SEC24D: variants seen among roughly 807,000 people sequenced by gnomAD.
The protein encoded by SEC24D is protein transport protein Sec24D.
SEC24D carries 69 observed loss-of-function variants against 116.9 expected under a neutral mutation model. The observed-to-expected ratio is 0.59, with a 90% CI of 0.49 to 0.72. The LOEUF (loss-of-function observed/expected upper bound fraction) is 0.72. SEC24D is among the 30% of genes least tolerant of loss of function. The pLI is 0.00. For missense variants in SEC24D, 1,131 were observed against 1,264.1 expected, an observed-to-expected ratio of 0.89 and a Z score of 1.60; for synonymous variants, 405 against 442.8, an observed-to-expected ratio of 0.91 and a Z score of 1.07.
intron 10 of SEC24D, 174 bp downstream of exon 10, chr4:118,764,628 T>C (rs543743597): frequency 4.0e-6 from 2 of 504,454 alleles, no homozygotes; most frequent in Non-Finnish European, 7.0e-6. Flanking sequence ...GGTTTGGCAG[T>C]TGAATCATGT....
intron 10 of SEC24D, among the ~76,000 whole-genome samples, chr4:118,763,651 G>A (rs972139002): frequency 3.3e-5 from 5 of 152,184 alleles, no homozygotes; most frequent in African/African-American, 1.2e-4. Flanking sequence ...GCCTTGCAAG[G>A]TATCCATAAT....
chr4:118,732,949 T>G (rs368746963), intron 19 of SEC24D, 37 bp from the exon 20 acceptor site: 39 of 1,534,444 alleles, frequency 2.5e-5, no homozygotes, highest in Non-Finnish European at 3.3e-5. Context: ...ACGCTTGATC[T>G]TTACTGAGAA....
chr4:118,745,074 AAAACCC>A lies in SEC24D; in HGVS notation c.1708-20_1708-15del. 4.9e-6 allele frequency: 7 copies of A among 1,426,112 alleles called. No individual in the cohort carries two copies. The highest frequency in any genetic ancestry group is 6.8e-6 in the Non-Finnish European group (7 of 1,034,570). 88.3% of individuals were successfully genotyped at this position (1,426,112 alleles called of 1,614,324 possible). On this transcript the variant is annotated splice_polypyrimidine_tract_variant and intron_variant, in intron 13 of 22. Transcript: ENST00000280551. ...ACAGTCTGCTGCCTAAAAAAAAAAA[AAAACCC>A]AAAAACCCACAGAAAATGCCGTGAG...
At chr4:118,749,072 G>C (rs778641807) in intron 13 of SEC24D, among the ~76,000 whole-genome samples, 1 of 150,254 alleles carries the variant, frequency 6.7e-6, no homozygotes, top group Non-Finnish European at 1.5e-5. Flanking sequence ...GGAAATAATA[G>C]CTAACTCAGA....
At chr4:118,798,160 A>T (rs1729263318) in intron 7 of SEC24D, among the ~76,000 whole-genome samples, 1 of 152,194 alleles carries the variant, frequency 6.6e-6, no homozygotes, top group African/African-American at 2.4e-5. Flanking sequence ...GAGACACACA[A>T]ATATGACAGA....
In SEC24D at chr4:118,820,221, C is replaced by CT. The variant is rs761088364; in HGVS notation, c.249-2810_249-2809insA. On this transcript the variant is annotated intron_variant, in intron 3 of 22. Transcript: ENST00000280551. Reference sequence around the variant, plus strand: ...TTGAGACGGAGTTTCGCTCTTGTCGCCCAGGCTGGAGTAAAATGGCAAGAT... The same window carrying CT: ...TTGAGACGGAGTTTCGCTCTTGTCGCTCCAGGCTGGAGTAAAATGGCAAGAT... Among the ~76,000 whole-genome samples, 4 of 148,552 alleles carry CT rather than the reference C, an allele frequency of 2.7e-5. No homozygotes were observed. In the East Asian group the frequency reaches 7.8e-4, roughly 29 times the overall value.
intron 2 of SEC24D, among the ~76,000 whole-genome samples, chr4:118,829,825 G>A (rs1051012483): frequency 4.0e-5 from 6 of 151,676 alleles, no homozygotes; most frequent in Admixed American, 1.3e-4. Context: ...AAAAAAAAAA[G>A]TGTTAGTATA....
intron 2 of SEC24D, among the ~76,000 whole-genome samples, chr4:118,830,207 G>A (rs539262707): frequency 6.6e-6 from 1 of 152,376 alleles, no homozygotes; most frequent in African/African-American, 2.4e-5. Context: ...TAGCCATTAA[G>A]TAAGGAGAAA....
chr4:118,795,268 A>T (rs903895942), intron 8 of SEC24D, among the ~76,000 whole-genome samples: 9 of 150,352 alleles, frequency 6.0e-5, no homozygotes, highest in African/African-American at 1.7e-4. Context: ...CAAGATTATC[A>T]CATAATCTTG....
chr4:118,744,853 T>C (rs1726425161), intron 14 of SEC24D, 91 bp downstream of exon 14: 1 of 710,644 alleles, frequency 1.4e-6, no homozygotes, highest in African/African-American at 1.8e-5. Flanking sequence ...TGAGATTTAG[T>C]TTCTCCCCTT....
intron 21 of SEC24D, chr4:118,729,315 A>G (rs2110427979): frequency 6.6e-6 from 1 of 152,288 alleles, no homozygotes; most frequent in South Asian, 2.1e-4. Context: ...TTATATGCAA[A>G]TACCATGCCA....
intron 6 of SEC24D, among the ~76,000 whole-genome samples, chr4:118,810,298 G>A (rs916248670): frequency 7.9e-5 from 12 of 152,062 alleles, no homozygotes; most frequent in Admixed American, 4.6e-4. Flanking sequence ...GAAAGGGCAG[G>A]GAGACCAATT....
At chr4:118,741,280 G>A (rs928148379) in intron 15 of SEC24D, among the ~76,000 whole-genome samples, 8 of 151,924 alleles carry the variant, frequency 5.3e-5, no homozygotes, top group East Asian at 1.9e-4. Context: ...TGAGAAAATC[G>A]GTTATTAATT....
At chr4:118,774,351 C>G (rs1029920130) in intron 8 of SEC24D, among the ~76,000 whole-genome samples, 1 of 152,034 alleles carries the variant, frequency 6.6e-6, no homozygotes, top group Non-Finnish European at 1.5e-5. Flanking sequence ...CTGATTCAGA[C>G]TTTTCATAAT....
intron 2 of SEC24D, chr4:118,825,747 C>T (rs1730569027): frequency 8.0e-6 from 3 of 375,408 alleles, no homozygotes; most frequent in Middle Eastern, 9.2e-4. Flanking sequence ...CTTGTTTTCC[C>T]TCATTTGATT....
At chr4:118,784,831 TG>T (rs1482308160) in intron 8 of SEC24D, among the ~76,000 whole-genome samples, 1 of 136,186 alleles carries the variant, frequency 7.3e-6, no homozygotes, top group East Asian at 2.3e-4. Context: ...AACACTGGAG[TG>T]GGGGGAGAAT....
intron 22 of SEC24D, among the ~76,000 whole-genome samples, chr4:118,726,177 A>G (rs777392406): frequency 3.9e-5 from 6 of 152,194 alleles, no homozygotes; most frequent in Non-Finnish European, 8.8e-5. Context: ...GGGAATCGCT[A>G]AAGCATGGGA....
chr4:118,800,615 G>A (rs1729390759), intron 7 of SEC24D, among the ~76,000 whole-genome samples: 1 of 152,180 alleles, frequency 6.6e-6, no homozygotes, highest in Admixed American at 6.5e-5. Flanking sequence ...CAGAGCATCT[G>A]AGAGAAGGGG....
chr4:118,747,619 G>C (rs1726607139), intron 13 of SEC24D, among the ~76,000 whole-genome samples: 1 of 152,050 alleles, frequency 6.6e-6, no homozygotes, highest in South Asian at 2.1e-4. Flanking sequence ...ATATCAAAGA[G>C]GGTATAAAGC....
Sources: allele counts gnomAD v4.1 joint callset (sites outside exome capture counted in the v4.1 genomes callset), GRCh38; gene constraint gnomAD v4.1.1; transcripts MANE v1.5; gene names NCBI Gene and HGNC (gene_info 2026-07-23, HGNC 2026-07-21).